The following RAB40A variants were observed in gnomAD, a reference collection of about 807,000 sequenced individuals.
The protein encoded by RAB40A is ras-related protein Rab-40A.
For synonymous variants in RAB40A, 65 were observed against 99.9 expected, an observed-to-expected ratio of 0.65 and a Z score of 2.08; for missense variants, 145 against 230.2, an observed-to-expected ratio of 0.63 and a Z score of 2.40.
chrX:103,509,192 C>T (rs2073272701), intron 2 of RAB40A, among the ~76,000 whole-genome samples: 2 of 111,193 alleles, frequency 1.8e-5, no homozygotes, highest in African/African-American at 6.5e-5. Context: ...TGAGATGAGA[C>T]GACTTCTTCA....
At position 103,500,703 on chromosome X, in the gene RAB40A, C is replaced by G; in HGVS notation, c.54G>C (p.Leu18=). The change falls in exon 3 of 3, where the codon CTG becomes CTC. Residue 18 remains leucine, a synonymous_variant. Coordinates refer to ENST00000304236, the MANE Select transcript of RAB40A (RefSeq NM_080879.3). ...TGCCTACGTCCCTGTCGCCCACCAG[C>G]AGGAACTTGAGCAGGAAGTCATAGG... The part of the protein sequence containing the change: ...DQAYDFLLKF[L]LVGDRDVGKS... The G allele has an allele frequency of 8.3e-7, 1 of 1,211,517 alleles. No homozygotes were observed. Among genetic ancestry groups the G allele is most frequent in the Non-Finnish European group, 1.1e-6 (1 of 895,457 alleles).
intron 2 of RAB40A, among the ~76,000 whole-genome samples, chrX:103,512,512 T>C (rs1421489137): frequency 1.8e-5 from 2 of 111,583 alleles, no homozygotes; most frequent in Non-Finnish European, 3.8e-5. Context: ...TTATAGATGG[T>C]GGTGAGGATT....
chrX:103,504,242 G>T (rs1169256484), intron 2 of RAB40A, among the ~76,000 whole-genome samples: 1 of 111,172 alleles, frequency 9.0e-6, no homozygotes, highest in African/African-American at 3.3e-5. Context: ...CACTACCTGG[G>T]TGATGGGATC....
At chrX:103,514,500 C>G (rs1480978077) in intron 2 of RAB40A, among the ~76,000 whole-genome samples, 2 of 110,718 alleles carry the variant, frequency 1.8e-5, no homozygotes, top group African/African-American at 6.6e-5. Flanking sequence ...CAGTCCTGTA[C>G]CACTATGCTC....
intron 2 of RAB40A, among the ~76,000 whole-genome samples, chrX:103,512,904 T>C (rs1261525880): frequency 8.9e-6 from 1 of 111,789 alleles, no homozygotes; most frequent in Non-Finnish European, 1.9e-5. Context: ...AAGAAAAGTG[T>C]CTTGGTTTTG....
chrX:103,503,397 G>A, intron 2 of RAB40A: 1 of 753,862 alleles, frequency 1.3e-6, no homozygotes, highest in African/African-American at 2.3e-5. Context: ...CCTGCTGTCT[G>A]TGAGGGACCT....
In RAB40A at chrX:103,509,289, A is replaced by ATCTC. The variant is rs373450734; in HGVS notation, c.-71+8081_-71+8084dup. ...CCCTCATCACCCAATCAGCCACAGG[A>ATCTC]TCTCTCTCTCTCTCTCTCTCTCTCT... On this transcript the variant is annotated intron_variant, in intron 2 of 2. Transcript: ENST00000304236. Among the ~76,000 whole-genome samples, 844 of 86,088 alleles carry ATCTC rather than the reference A, an allele frequency of 9.8e-3. 5 individuals are homozygous for ATCTC. Among genetic ancestry groups the ATCTC allele is most frequent in the Middle Eastern group, 0.023 (3 of 129 alleles). The allele number at this position is 86,088 out of a possible 115,157, so 74.8% of individuals were successfully genotyped here. A position where few individuals can be genotyped will look rare whatever the true frequency, so the allele number is the denominator to read the frequency against.
At chrX:103,508,695 A>G (rs1301297146) in intron 2 of RAB40A, among the ~76,000 whole-genome samples, 2 of 112,223 alleles carry the variant, frequency 1.8e-5, no homozygotes, top group Non-Finnish European at 3.8e-5. Context: ...TTAGTGTTTC[A>G]TAATTCATAA....
At chrX:103,500,936 T>G (rs900723623) in intron 2 of RAB40A, 110 bp from the exon 3 acceptor site, 1 of 881,060 alleles carries the variant, frequency 1.1e-6, no homozygotes, top group African/African-American at 2.0e-5. Flanking sequence ...CCTAGGAAAC[T>G]GATTCAGCGA....
chrX:103,510,376 A>G (rs2073282800), intron 2 of RAB40A, among the ~76,000 whole-genome samples: 1 of 112,152 alleles, frequency 8.9e-6, no homozygotes, highest in Non-Finnish European at 1.9e-5. Context: ...AATCACTCAG[A>G]TCATAACATA....
chrX:103,509,037 G>A (rs1272347995), intron 2 of RAB40A, among the ~76,000 whole-genome samples: 1 of 111,946 alleles, frequency 8.9e-6, no homozygotes, highest in African/African-American at 3.3e-5. Context: ...TGTAACACAC[G>A]ATTGTCCACT....
At chrX:103,506,478 TA>T (rs2073255532) in intron 2 of RAB40A, among the ~76,000 whole-genome samples, 1 of 112,474 alleles carries the variant, frequency 8.9e-6, no homozygotes, top group Non-Finnish European at 1.9e-5. Context: ...CAGATCTATT[TA>T]AAACATAATC....
At chrX:103,507,308 T>C (rs1278639712) in intron 2 of RAB40A, among the ~76,000 whole-genome samples, 1 of 112,169 alleles carries the variant, frequency 8.9e-6, no homozygotes, top group Non-Finnish European at 1.9e-5. Context: ...TCATTGCCAA[T>C]TGTTTTGTTA....
intron 2 of RAB40A, among the ~76,000 whole-genome samples, chrX:103,510,574 T>C (rs376893726): frequency 1.1e-3 from 119 of 112,301 alleles, no homozygotes; most frequent in East Asian, 3.6e-3. Flanking sequence ...TATAAATGCA[T>C]GCAGTTCTGC....
chrX:103,518,480 G>C (rs2073326868), intron 1 of RAB40A, among the ~76,000 whole-genome samples: 1 of 110,603 alleles, frequency 9.0e-6, no homozygotes. Flanking sequence ...AAATGACTGA[G>C]TTTAGGTCTG....
chrX:103,499,769 A>G lies in RAB40A; in HGVS notation c.*154T>C. 1.7e-6 allele frequency: 1 copy of G among 599,947 alleles called. No individual in the cohort carries two copies. Among genetic ancestry groups the G allele is most frequent in the Admixed American group, 3.1e-5 (1 of 32,398 alleles). 49.4% of individuals were successfully genotyped at this position (599,947 alleles called of 1,213,427 possible). A position where few individuals can be genotyped will look rare whatever the true frequency, so the allele number is the denominator to read the frequency against. On this transcript the variant is annotated 3_prime_UTR_variant, in exon 3 of 3. Transcript: ENST00000304236. Reference sequence around the variant, plus strand: ...AAGTCAAACTGTGTAATGTGTTTTTATTGACAGAAGGCATCACACACATTC... The same window carrying G: ...AAGTCAAACTGTGTAATGTGTTTTTGTTGACAGAAGGCATCACACACATTC...
chrX:103,500,700 C>T lies in RAB40A; in HGVS notation c.57G>A (p.Leu19=), dbSNP rs765467835. ...TCTTGCCTACGTCCCTGTCGCCCACCAGCAGGAACTTGAGCAGGAAGTCAT... is the reference window on the plus strand; with the variant it reads ...TCTTGCCTACGTCCCTGTCGCCCACTAGCAGGAACTTGAGCAGGAAGTCAT... ...QAYDFLLKFL[L]VGDRDVGKSE... Residue 19 remains leucine (L), a synonymous_variant, in exon 3 of 3, where the codon CTG becomes CTA. Coordinates refer to ENST00000304236, the MANE Select transcript of RAB40A (RefSeq NM_080879.3). 11 of 1,209,266 alleles carry T rather than the reference C, an allele frequency of 9.1e-6. No homozygotes were observed. Among genetic ancestry groups the T allele is most frequent in the Non-Finnish European group, 1.2e-5 (11 of 895,035 alleles).
At chrX:103,503,265 G>A (rs2073238159) in intron 2 of RAB40A, 1 of 751,716 alleles carries the variant, frequency 1.3e-6, no homozygotes, top group Non-Finnish European at 1.6e-6. Flanking sequence ...GTGACAGAGA[G>A]GATAGAGGTC....
At chrX:103,498,525 C>G (rs1032274699), downstream of RAB40A, among the ~76,000 whole-genome samples, 1 of 112,723 alleles carries the variant, frequency 8.9e-6, no homozygotes, top group African/African-American at 3.2e-5. Context: ...ATGCTAGTCT[C>G]TGCTTTTCCA....
Sources: gnomAD v4.1 joint callset for allele counts (sites outside exome capture counted in the v4.1 genomes callset) on GRCh38, gnomAD v4.1.1 for gene constraint, MANE v1.5 for transcripts, NCBI Gene and HGNC (gene_info 2026-07-23, HGNC 2026-07-21) for gene names.